The following PCDH15 variants were observed in gnomAD, a reference collection of about 807,000 sequenced individuals.
PCDH15 encodes the protein protocadherin related 15.
PCDH15 carries 129 observed loss-of-function variants against 178.5 expected under a neutral mutation model. The observed-to-expected ratio is 0.72, with a 90% CI of 0.63 to 0.84. The LOEUF (loss-of-function observed/expected upper bound fraction) is 0.84, where lower values mean the gene tolerates loss of function less well. PCDH15 is among the 40% of genes least tolerant of loss of function. The pLI, the probability that PCDH15 is intolerant of heterozygous loss-of-function variation, is 0.00. For synonymous variants in PCDH15, 800 were observed against 732.0 expected, an observed-to-expected ratio of 1.09 and a Z score of -1.50; for missense variants, 2,230 against 2,099.9, an observed-to-expected ratio of 1.06 and a Z score of -1.21.
chr10:54,452,034 A>G (rs1291586203), intron 3 of PCDH15, among the ~76,000 whole-genome samples: 1 of 151,944 alleles, frequency 6.6e-6, no homozygotes, highest in Non-Finnish European at 1.5e-5. Flanking sequence ...AATTTCCATT[A>G]TAATATATAT....
intron 2 of PCDH15, among the ~76,000 whole-genome samples, chr10:55,381,896 G>A (rs1469851960): frequency 6.6e-6 from 1 of 152,114 alleles, no homozygotes; most frequent in Non-Finnish European, 1.5e-5. Flanking sequence ...ATTGGCTGGA[G>A]GAAACAAGTT....
intron 20 of PCDH15, among the ~76,000 whole-genome samples, chr10:54,018,183 T>C (rs2092803410): frequency 6.6e-6 from 1 of 152,272 alleles, no homozygotes; most frequent in Non-Finnish European, 1.5e-5. Flanking sequence ...TGGATACATA[T>C]AGTCTTCTAC....
At chr10:54,277,422 C>T (rs1282243170) in intron 8 of PCDH15, among the ~76,000 whole-genome samples, 1 of 151,564 alleles carries the variant, frequency 6.6e-6, no homozygotes. Context: ...ATGGAAGGTA[C>T]ATGACATTCC....
At chr10:54,425,751 T>C (rs1352032185) in intron 3 of PCDH15, among the ~76,000 whole-genome samples, 1 of 152,214 alleles carries the variant, frequency 6.6e-6, no homozygotes, top group Non-Finnish European at 1.5e-5. Context: ...TTGTGACACA[T>C]GACCTTTCTT....
At chr10:54,409,209 G>A (rs1206420240) in intron 3 of PCDH15, among the ~76,000 whole-genome samples, 2 of 152,054 alleles carry the variant, frequency 1.3e-5, no homozygotes, top group Non-Finnish European at 2.9e-5. Context: ...TCTTTCTTTT[G>A]TAAATCGTCC....
intron 2 of PCDH15, among the ~76,000 whole-genome samples, chr10:55,021,315 C>T (rs1324300399): frequency 6.6e-6 from 1 of 152,130 alleles, no homozygotes; most frequent in Non-Finnish European, 1.5e-5. Context: ...ACATTTAGAA[C>T]CTCACAAAAT....
chr10:54,757,170 C>CA (rs1947248587), intron 1 of PCDH15, among the ~76,000 whole-genome samples: 1 of 151,130 alleles, frequency 6.6e-6, no homozygotes, highest in South Asian at 2.1e-4. Flanking sequence ...TAGCTGGGGA[C>CA]AATTTGTAAC....
intron 2 of PCDH15, among the ~76,000 whole-genome samples, chr10:55,391,921 T>C (rs968291783): frequency 3.3e-5 from 5 of 152,234 alleles, no homozygotes; most frequent in Non-Finnish European, 7.3e-5. Context: ...TTTTTAGCTT[T>C]TGATTTAAAG....
chr10:54,211,127 G>A (rs1017832075), intron 10 of PCDH15, among the ~76,000 whole-genome samples: 4 of 152,050 alleles, frequency 2.6e-5, no homozygotes, highest in African/African-American at 4.8e-5. Flanking sequence ...TGGTCCACAC[G>A]TGAACTAATT....
At chr10:53,840,178 T>C in intron 29 of PCDH15, 142 bp downstream of exon 29, 1 of 974,996 alleles carries the variant, frequency 1.0e-6, no homozygotes. Context: ...GAATCCTAGG[T>C]ATTTCAGGTT....
intron 2 of PCDH15, among the ~76,000 whole-genome samples, chr10:54,943,059 G>A (rs1838103005): frequency 6.6e-6 from 1 of 151,926 alleles, no homozygotes; most frequent in East Asian, 1.9e-4. Flanking sequence ...TCTTATTGCT[G>A]GTGTAAGAAA....
intron 1 of PCDH15, among the ~76,000 whole-genome samples, chr10:55,253,908 A>T (rs945798990): frequency 3.3e-5 from 5 of 152,226 alleles, no homozygotes; most frequent in African/African-American, 9.6e-5. Context: ...TTAGGTAAGA[A>T]TATCAAATTT....
At chr10:54,539,552 AC>A (rs1324374722) in intron 2 of PCDH15, among the ~76,000 whole-genome samples, 1 of 152,204 alleles carries the variant, frequency 6.6e-6, no homozygotes, top group Admixed American at 6.5e-5. Context: ...CACCCCACTG[AC>A]AACATTAGAC....
At chr10:55,255,018 T>G (rs1042075599) in intron 1 of PCDH15, among the ~76,000 whole-genome samples, 65 of 152,256 alleles carry the variant, frequency 4.3e-4, no homozygotes, top group African/African-American at 1.5e-3. Flanking sequence ...TAGTTACATA[T>G]GTATACATGT....
At chr10:54,099,748 T>C (rs960788809) in intron 15 of PCDH15, among the ~76,000 whole-genome samples, 8 of 151,798 alleles carry the variant, frequency 5.3e-5, no homozygotes, top group African/African-American at 1.7e-4. Context: ...TGAGAAATAA[T>C]ATAAAACTAT....
chr10:54,502,092 C>T (rs1333061327), intron 3 of PCDH15, among the ~76,000 whole-genome samples: 1 of 151,974 alleles, frequency 6.6e-6, no homozygotes, highest in Non-Finnish European at 1.5e-5. Flanking sequence ...TCAGACCACT[C>T]CCTTCTTCTG....
chr10:55,181,079 A>G (rs1839635432), intron 1 of PCDH15, among the ~76,000 whole-genome samples: 1 of 152,082 alleles, frequency 6.6e-6, no homozygotes, highest in Non-Finnish European at 1.5e-5. Flanking sequence ...TGGCAAAGTG[A>G]TATTTAAAAT....
At chr10:54,656,124 ATTTC>A (rs1172620027) in intron 2 of PCDH15, 1 of 152,126 alleles carries the variant, frequency 6.6e-6, no homozygotes, top group Admixed American at 6.6e-5. Flanking sequence ...GTTTTTGTTT[ATTTC>A]TTTGTTTTTC....
At position 55,593,747 on chromosome 10, in the gene PCDH15, C is replaced by T. The variant is rs190229127; in HGVS notation, c.-156+33878G>A. On this transcript the variant is annotated intron_variant, in intron 2 of 5. Transcript: ENST00000613346. The stretch of plus-strand genomic sequence containing the variant: ...GAAGACTTCCATAAACAATTTTCAC[C>T]GAAGCATTGAAAACTATTATCTAAG... Among the ~76,000 whole-genome samples the T allele has an allele frequency of 9.6e-4, 145 of 151,630 alleles. No individual in the cohort carries two copies. In the South Asian group the frequency reaches 0.013, roughly 13 times the overall value.
Sources: allele counts gnomAD v4.1 joint callset (sites outside exome capture counted in the v4.1 genomes callset), GRCh38; gene constraint gnomAD v4.1.1; transcripts MANE v1.5; gene names NCBI Gene and HGNC (gene_info 2026-07-23, HGNC 2026-07-21).